ZNF215: variants seen among roughly 807,000 people sequenced by gnomAD.
ZNF215 encodes the protein BWSCR2-associated zinc finger protein 2.
Under a neutral mutation model 27.2 loss-of-function variants are expected in ZNF215, and 24 were observed. The observed-to-expected ratio is 0.88, with a 90% CI of 0.64 to 1.24. The LOEUF is 1.24. ZNF215 is among the 50% of genes most tolerant of loss of function. ZNF215 has a pLI of 0.00. For missense variants in ZNF215, 675 were observed against 605.7 expected, an observed-to-expected ratio of 1.11 and a Z score of -1.20; for synonymous variants, 210 against 204.0, an observed-to-expected ratio of 1.03 and a Z score of -0.25.
chr11:6,952,609 AT>A (rs1313887582), intron 6 of ZNF215, among the ~76,000 whole-genome samples: 3 of 151,518 alleles, frequency 2.0e-5, no homozygotes, highest in African/African-American at 7.3e-5. Context: ...CCATCCTTTT[AT>A]TTTGAGCCTA....
chr11:6,973,808 A>G (rs1850772487), intron 5 of ZNF215, among the ~76,000 whole-genome samples: 3 of 152,160 alleles, frequency 2.0e-5, no homozygotes, highest in Non-Finnish European at 2.9e-5. Context: ...TTGTCAGATG[A>G]GTAGATTACA....
intron 2 of ZNF215, among the ~76,000 whole-genome samples, chr11:6,931,593 A>T (rs1849268116): frequency 6.6e-6 from 1 of 152,116 alleles, no homozygotes; most frequent in Non-Finnish European, 1.5e-5. Flanking sequence ...CCACTTTTTG[A>T]TTTATTCCTA....
downstream of ZNF215, among the ~76,000 whole-genome samples, chr11:6,959,980 T>C (rs1850481384): frequency 6.6e-6 from 1 of 152,088 alleles, no homozygotes; most frequent in African/African-American, 2.4e-5. Flanking sequence ...TGTATACATA[T>C]ATGAATATAT....
downstream of ZNF215, among the ~76,000 whole-genome samples, chr11:6,986,942 G>A (rs1389142926): frequency 6.6e-6 from 1 of 152,150 alleles, no homozygotes; most frequent in Non-Finnish European, 1.5e-5. Context: ...TTTTGGGGAT[G>A]TAAACTAGTT....
intron 6 of ZNF215, among the ~76,000 whole-genome samples, chr11:6,944,769 T>C (rs1849759222): frequency 6.6e-6 from 1 of 152,206 alleles, no homozygotes; most frequent in Admixed American, 6.5e-5. Flanking sequence ...TTTTCTGAAA[T>C]TGTGGAACAA....
chr11:6,965,009 C>T (rs2133325358), intron 5 of ZNF215, among the ~76,000 whole-genome samples: 1 of 152,206 alleles, frequency 6.6e-6, no homozygotes, highest in Non-Finnish European at 1.5e-5. Flanking sequence ...ATACTACCAA[C>T]AAGCTGTACA....
chr11:6,961,845 C>G (rs150602325), downstream of ZNF215, among the ~76,000 whole-genome samples: 185 of 152,248 alleles, frequency 1.2e-3, no homozygotes, highest in African/African-American at 4.4e-3. Context: ...TTTACCTGCA[C>G]TTTTATTCTA....
At chr11:6,988,211 G>A (rs932245808), downstream of ZNF215, 9 of 985,264 alleles carry the variant, frequency 9.1e-6, no homozygotes, top group Admixed American at 1.8e-4. Flanking sequence ...TCCTCACATC[G>A]ATAGGGAGAA....
chr11:6,974,032 A>T (rs959758125), intron 5 of ZNF215, among the ~76,000 whole-genome samples: 1 of 152,096 alleles, frequency 6.6e-6, no homozygotes, highest in Non-Finnish European at 1.5e-5. Flanking sequence ...TTTTAGGTCT[A>T]ATATTTAAGT....
rs911651256 is a variant in ZNF215, at chr11:6,957,893, G to A, written c.*1362G>A. The A allele has an allele frequency of 2.0e-6, 2 of 985,268 alleles. No homozygotes were observed. The highest frequency in any genetic ancestry group is 3.5e-5 in the African/African-American group (2 of 57,208). 61.0% of individuals were successfully genotyped at this position (985,268 alleles called of 1,614,324 possible). A position where few individuals can be genotyped will look rare whatever the true frequency, so the allele number is the denominator to read the frequency against. ...CCTCAGGATCCCATCTGGTTCTTGAGCCAAGAAGTATGACTTAATCTGCCC... is the reference window on the plus strand; with the variant it reads ...CCTCAGGATCCCATCTGGTTCTTGAACCAAGAAGTATGACTTAATCTGCCC... On this transcript the variant is annotated 3_prime_UTR_variant, in exon 7 of 7. Transcript: ENST00000278319.
intron 6 of ZNF215, among the ~76,000 whole-genome samples, chr11:6,954,982 TTAAA>T (rs1183686911): frequency 1.3e-5 from 2 of 152,114 alleles, no homozygotes; most frequent in East Asian, 3.9e-4. Context: ...TGGAACATAA[TTAAA>T]TAAAACGGAA....
In ZNF215 at chr11:6,957,108, T is replaced by A; in HGVS notation, c.*577T>A. 1 of 985,614 alleles carries A rather than the reference T, an allele frequency of 1.0e-6. No individual in the cohort carries two copies. The highest frequency in any genetic ancestry group is 1.2e-6 in the Non-Finnish European group (1 of 830,050). 61.1% of individuals were successfully genotyped at this position (985,614 alleles called of 1,614,324 possible). A position where few individuals can be genotyped will look rare whatever the true frequency, so the allele number is the denominator to read the frequency against. On this transcript the variant is annotated 3_prime_UTR_variant, in exon 7 of 7. Coordinates refer to ENST00000278319, the MANE Select transcript of ZNF215 (RefSeq NM_013250.4). ...GGAGACTAGAGTTGGGAAAGGGTTA[T>A]CAACTGCAATGGGAGAAGTATGTAT... is the stretch of plus-strand genomic sequence containing the variant.
rs1850263030 is a variant in ZNF215 at position 6,954,882 on chromosome 11, A to G, written c.713-808A>G. Among the ~76,000 whole-genome samples, 3 of 152,200 alleles carry G rather than the reference A, an allele frequency of 2.0e-5. No homozygotes were observed. The East Asian group carries it at 5.8e-4, about 29-fold the overall frequency. On this transcript the variant is annotated intron_variant, in intron 6 of 6. Transcript: ENST00000278319. ...GTTCCTATTCGGCCATCTTGGCTCC[A>G]TATATGAAATTTAATTTTTAAAAAA...
downstream of ZNF215, chr11:6,988,370 A>G (rs2133364732): frequency 1.8e-6 from 1 of 561,598 alleles, no homozygotes; most frequent in African/African-American, 2.1e-5. Flanking sequence ...AACATCAGAA[A>G]AGGGCTCTGT....
rs1345610800 is a variant in ZNF215, at chr11:6,956,337, A to G, written c.1360A>G (p.Thr454Ala). The G allele has an allele frequency of 3.7e-6, 6 of 1,614,168 alleles. No homozygotes were observed. Among genetic ancestry groups the G allele is most frequent in the Admixed American group, 3.3e-5 (2 of 60,028 alleles). Residue 454 changes from threonine to alanine, a missense_variant, in exon 7 of 7, where the codon ACA becomes GCA. Physicochemically the swap from Thr to Ala is moderately conservative, Grantham distance 58. Transcript: ENST00000278319. ...FSKSEDSNNP[T>A]LHFGNNFYQC... ...TAAAAGTGAAGACAGTAATAATCCA[A>G]CACTCCATTTTGGAAACAATTTCTA...
chr11:6,935,077 G>C (rs1849386974), intron 3 of ZNF215, among the ~76,000 whole-genome samples: 1 of 152,150 alleles, frequency 6.6e-6, no homozygotes, highest in Non-Finnish European at 1.5e-5. Context: ...GGCTACCTGG[G>C]GGTATTTTTC....
chr11:6,946,108 A>G (rs1000008184), intron 6 of ZNF215, among the ~76,000 whole-genome samples: 6 of 151,856 alleles, frequency 4.0e-5, no homozygotes, highest in African/African-American at 1.5e-4. Flanking sequence ...TTACTTCCCC[A>G]TTATCTCTTG....
chr11:6,962,674 C>G (rs920140313), downstream of ZNF215, among the ~76,000 whole-genome samples: 2 of 152,050 alleles, frequency 1.3e-5, no homozygotes, highest in African/African-American at 4.8e-5. Context: ...GGTCCCCAGA[C>G]CAGCAGCATC....
Position 6,943,582 on chromosome 11 carries a change from T to A in ZNF215, c.653T>A (p.Leu218Ter). Reference sequence around the variant, plus strand: ...TCCAAACCATTTGAGAGCCTTAAGTTGGAGAGTAAGAAAAAAAGATGGATA... The same window carrying A: ...TCCAAACCATTTGAGAGCCTTAAGTAGGAGAGTAAGAAAAAAAGATGGATA... ...LLSKPFESLK[L>*]ESKKKRWIME... Residue 218 changes from leucine to a stop codon, truncating the protein, a stop_gained, in exon 6 of 7, where the codon TTG (leucine) becomes TAG (stop). Transcript: ENST00000278319. LOFTEE classifies it high-confidence loss of function. The A allele has an allele frequency of 6.2e-7, 1 of 1,614,026 alleles. No individual in the cohort carries two copies. The highest frequency in any genetic ancestry group is 1.1e-5 in the South Asian group (1 of 91,064).
Sources: gnomAD v4.1 joint callset for allele counts (sites outside exome capture counted in the v4.1 genomes callset) on GRCh38, gnomAD v4.1.1 for gene constraint, MANE v1.5 for transcripts, NCBI Gene and HGNC (gene_info 2026-07-23, HGNC 2026-07-21) for gene names.